Variants in FAT3 observed in about 807,000 individuals in gnomAD.
The protein encoded by FAT3 is FAT atypical cadherin 3, also known as protocadherin Fat 3.
A neutral mutation model predicts 310.2 loss-of-function variants in FAT3; 95 were observed. The observed-to-expected ratio is 0.31, with a 90% CI of 0.26 to 0.36. FAT3 has a LOEUF of 0.36. Among genes scored for constraint, FAT3 ranks in the 10% least tolerant of loss-of-function variants. FAT3 has a pLI of 1.00. For synonymous variants in FAT3, 2,314 were observed against 2,192.9 expected, an observed-to-expected ratio of 1.06 and a Z score of -1.54; for missense variants, 5,408 against 5,715.6, an observed-to-expected ratio of 0.95 and a Z score of 1.74.
intron 22 of FAT3, among the ~76,000 whole-genome samples, chr11:92,871,735 GAAACAAAC>G (rs998295088): frequency 1.4e-4 from 21 of 152,004 alleles, no homozygotes; most frequent in Non-Finnish European, 2.4e-4. Flanking sequence ...AAGTTAAGGG[GAAACAAAC>G]AAACAAACAT....
At chr11:92,821,374 G>A (rs1683458822) in intron 13 of FAT3, among the ~76,000 whole-genome samples, 1 of 152,114 alleles carries the variant, frequency 6.6e-6, no homozygotes, top group South Asian at 2.1e-4. Flanking sequence ...CTCTTAAGTA[G>A]CATCTATTCT....
intron 25 of FAT3, 100 bp downstream of exon 25, chr11:92,887,213 A>G: frequency 2.0e-6 from 2 of 999,788 alleles, no homozygotes; most frequent in Non-Finnish European, 3.0e-6. Context: ...TTGTTTCTCA[A>G]CCTGTTCATG....
intron 1 of FAT3, among the ~76,000 whole-genome samples, chr11:92,315,477 GTGTA>G (rs1335603372): frequency 2.8e-4 from 23 of 81,594 alleles, no homozygotes; most frequent in African/African-American, 8.4e-4. Flanking sequence ...GTGTGTGTGT[GTGTA>G]TATATATATA....
chr11:92,401,995 C>G (rs1478305768), intron 2 of FAT3, among the ~76,000 whole-genome samples: 1 of 152,162 alleles, frequency 6.6e-6, no homozygotes, highest in Non-Finnish European at 1.5e-5. Context: ...AGACATAAAG[C>G]AAGCTTCAGA....
chr11:92,677,720 T>C (rs1018043029), intron 3 of FAT3, among the ~76,000 whole-genome samples: 3 of 152,170 alleles, frequency 2.0e-5, no homozygotes, highest in Non-Finnish European at 2.9e-5. Flanking sequence ...TTTTGTAATG[T>C]TACTGATGGA....
chr11:92,463,720 T>C (rs183400512), intron 2 of FAT3, among the ~76,000 whole-genome samples: 24 of 152,234 alleles, frequency 1.6e-4, no homozygotes, highest in African/African-American at 5.3e-4. Flanking sequence ...GCACTCCAGG[T>C]TATTTACACT....
rs563305781 is a variant in FAT3 at position 92,605,634 on chromosome 11, T to C, written c.3607+80686T>C. 2.0e-5 allele frequency among the ~76,000 whole-genome samples: 3 copies of C among 151,518 alleles called. No individual in the cohort carries two copies. In the South Asian group the frequency reaches 6.3e-4, roughly 32 times the overall value. On this transcript the variant is annotated intron_variant, in intron 3 of 27. Transcript: ENST00000525166. ...CTGAGAGGGACAAATGGAATAATAA[T>C]AGTTAAAATCACTTACAGATTACTT...
At chr11:92,872,764 G>A (rs1209099508) in intron 22 of FAT3, among the ~76,000 whole-genome samples, 1 of 152,176 alleles carries the variant, frequency 6.6e-6, no homozygotes, top group Non-Finnish European at 1.5e-5. Flanking sequence ...TAGGGAAAAA[G>A]TCTCACCTTC....
intron 1 of FAT3, among the ~76,000 whole-genome samples, chr11:92,340,111 CAAAA>C (rs56378818): frequency 1.0e-4 from 5 of 49,158 alleles, no homozygotes; most frequent in South Asian, 8.5e-4. Flanking sequence ...GACTCCATCT[CAAAA>C]AAAAAAAAAA....
At chr11:92,714,300 A>C (rs979553971) in intron 4 of FAT3, among the ~76,000 whole-genome samples, 1 of 152,170 alleles carries the variant, frequency 6.6e-6, no homozygotes, top group Non-Finnish European at 1.5e-5. Flanking sequence ...CTGAGGCTTA[A>C]AGCTTGGAAG....
intron 7 of FAT3, among the ~76,000 whole-genome samples, chr11:92,785,626 A>G (rs1946871240): frequency 6.6e-6 from 1 of 152,192 alleles, no homozygotes; most frequent in Admixed American, 6.5e-5. Flanking sequence ...AGGGTAGTAC[A>G]TATATAAACT....
Position 92,844,714 on chromosome 11 carries a change from G to C in FAT3, c.11347G>C (p.Val3783Leu), listed in dbSNP as rs887214312. The change falls in exon 19 of 28, where the codon GTG becomes CTG. Residue 3783 changes from valine (V) to leucine (L), a missense_variant. This residue lies in a region of FAT3 where 4,588 missense variants were observed against 4,809.8 expected (regional missense o/e 0.95). Coordinates refer to ENST00000525166, the MANE Select transcript of FAT3 (RefSeq NM_001367949.2). Reference sequence around the variant, plus strand: ...TGTGTGTCCGCGTTTCTACAGGAACGTGCGTTGCACCTGCAATGGTGAGTG... The same window carrying C: ...TGTGTGTCCGCGTTTCTACAGGAACCTGCGTTGCACCTGCAATGGTGAGTG... ...SFVCPRFYRN[V>L]RCTCNGGLCP... The C allele has an allele frequency of 6.5e-7, 1 of 1,547,312 alleles. No homozygotes were observed. The highest frequency in any genetic ancestry group is 1.4e-5 in the African/African-American group (1 of 73,852).
chr11:92,412,737 AT>A lies in FAT3; in HGVS notation c.3292+57334del, dbSNP rs1565296450. On this transcript the variant is annotated intron_variant, in intron 2 of 27. Transcript: ENST00000525166. ...TATATATATATATATATATATATATATATATATAAATATACATACATATATA... is the reference window on the plus strand; with the variant it reads ...TATATATATATATATATATATATATAATATATAAATATACATACATATATA... Among the ~76,000 whole-genome samples, 112 of 17,108 alleles carry A rather than the reference AT, an allele frequency of 6.5e-3. 20 individuals carry two copies. In the East Asian group the frequency reaches 0.1, roughly 15 times the overall value. The allele number at this position is 17,108 out of a possible 152,430, so 11.2% of individuals were successfully genotyped here. A position where few individuals can be genotyped will look rare whatever the true frequency, so the allele number is the denominator to read the frequency against.
rs376797444 is a variant in FAT3 at position 92,790,050 on chromosome 11, G to T, written c.4443G>T (p.Gln1481His). The part of the protein sequence containing the change: ...EDVLPDTEIL[Q>H]IEATDRDEKH... ...TGCTTCCAGACACGGAGATCCTGCAGATTGAAGCCACAGATAGAGATGAGA... is the reference window on the plus strand; with the variant it reads ...TGCTTCCAGACACGGAGATCCTGCATATTGAAGCCACAGATAGAGATGAGA... The change falls in exon 8 of 28, where the codon CAG becomes CAT. Residue 1481 changes from glutamine to histidine, a missense_variant. Gln to His is a conservative substitution (Grantham distance 24, BLOSUM62 0). Coordinates refer to ENST00000525166, the MANE Select transcript of FAT3 (RefSeq NM_001367949.2). 2.4e-5 allele frequency: 38 copies of T among 1,613,772 alleles called. No individual in the cohort carries two copies. The highest frequency in any genetic ancestry group is 1.6e-4 in the Middle Eastern group (1 of 6,080).
chr11:92,534,535 A>T lies in FAT3; in HGVS notation c.3607+9587A>T, dbSNP rs1245885106. Among the ~76,000 whole-genome samples the T allele has an allele frequency of 2.6e-5, 4 of 152,206 alleles. No homozygotes were observed. In the East Asian group the frequency reaches 7.7e-4, roughly 29 times the overall value. On this transcript the variant is annotated intron_variant, in intron 3 of 27. Transcript: ENST00000525166. ...TTAGGGGTTGAATTGTTCCCCAAAA[A>T]GACACACAACTCCCAGCCCACACTT...
chr11:92,468,320 A>G (rs548513541), intron 2 of FAT3, among the ~76,000 whole-genome samples: 41 of 152,300 alleles, frequency 2.7e-4, no homozygotes, highest in African/African-American at 9.9e-4. Flanking sequence ...AAAAGGACAC[A>G]TTTTCATATA....
chr11:92,679,201 T>C (rs1406254366), intron 3 of FAT3, among the ~76,000 whole-genome samples: 1 of 152,200 alleles, frequency 6.6e-6, no homozygotes, highest in East Asian at 1.9e-4. Flanking sequence ...CGTCTGTTGA[T>C]TCCTTAGGTT....
At chr11:92,647,883 A>G (rs1942223960) in intron 3 of FAT3, among the ~76,000 whole-genome samples, 1 of 152,156 alleles carries the variant, frequency 6.6e-6, no homozygotes, top group South Asian at 2.1e-4. Flanking sequence ...AGTACAGAAC[A>G]GGAAATTATC....
chr11:92,603,429 A>G (rs1436614842), intron 3 of FAT3, among the ~76,000 whole-genome samples: 1 of 152,250 alleles, frequency 6.6e-6, no homozygotes, highest in Non-Finnish European at 1.5e-5. Flanking sequence ...TTATTTCAAT[A>G]AAAGATTTTT....
Sources: allele counts gnomAD v4.1 joint callset (sites outside exome capture counted in the v4.1 genomes callset), GRCh38; gene constraint gnomAD v4.1.1; regional missense constraint gnomAD v4.1.1; transcripts MANE v1.5; gene names NCBI Gene and HGNC (gene_info 2026-07-23, HGNC 2026-07-21).